The following ARID1B variants were observed in gnomAD, a reference collection of about 807,000 sequenced individuals.
The protein encoded by ARID1B is AT-rich interaction domain 1B.
Under a neutral mutation model 212.3 loss-of-function variants are expected in ARID1B, and 30 were observed. That is an observed-to-expected ratio of 0.14 (90% CI 0.11 to 0.19). The LOEUF (loss-of-function observed/expected upper bound fraction) is 0.19, where lower values mean the gene tolerates loss of function less well. ARID1B is among the 10% of genes least tolerant of loss of function. ARID1B has a pLI of 1.00. For synonymous variants in ARID1B, 1,402 were observed against 1,301.7 expected (o/e 1.08, Z -1.66); for missense variants, 2,891 against 3,204.0 (o/e 0.90, Z 2.36).
At chr6:156,868,309 G>C (rs1353158976) in intron 2 of ARID1B, among the ~76,000 whole-genome samples, 2 of 152,182 alleles carry the variant, frequency 1.3e-5, no homozygotes, top group African/African-American at 4.8e-5. Flanking sequence ...CTATTGTATT[G>C]TTATCACATG....
rs1778849865 is a variant in ARID1B at position 156,778,442 on chromosome 6, C to T, written c.762C>T (p.Ala254=). ...AGGACAGTGCTGCGGGCGGCCAGGC[C>T]GACCCCCCGGGCCCGCCGCTGCTGA... ...GAKDSAAGGQ[A]DPPGPPLLSK... The change falls in exon 1 of 20, where the codon GCC becomes GCT. Residue 254 remains alanine, a synonymous_variant. Coordinates refer to ENST00000636930, the MANE Select transcript of ARID1B (RefSeq NM_001374828.1). 6 of 1,439,480 alleles carry T rather than the reference C, an allele frequency of 4.2e-6. No homozygotes were observed. The highest frequency in any genetic ancestry group is 5.4e-6 in the Non-Finnish European group (6 of 1,102,306). 89.2% of individuals were successfully genotyped at this position (1,439,480 alleles called of 1,614,324 possible). A position where few individuals can be genotyped will look rare whatever the true frequency, so the allele number is the denominator to read the frequency against.
Position 157,207,645 on chromosome 6 carries a change from G to C in ARID1B, c.6873G>C (p.Thr2291=), listed in dbSNP as rs377350616. 1.3e-5 allele frequency: 21 copies of C among 1,614,108 alleles called. No homozygotes were observed. The East Asian group carries it at 4.7e-4, about 36-fold the overall frequency. ...TAAGCTTCCTAGAGGATGGGGTCAC[G>C]ATGGCCCAGTACCAGCAGAGCCAGC... ...NLISFLEDGV[T]MAQYQQSQHN... The change falls in exon 20 of 20, where the codon ACG becomes ACC. Residue 2291 remains threonine, a synonymous_variant. Transcript: ENST00000636930. This position sits in a 1 kb window ranked among gnomAD's most constrained non-coding sequence, Gnocchi z 8.5.
chr6:156,844,032 T>C (rs1342516211), intron 2 of ARID1B, among the ~76,000 whole-genome samples: 3 of 152,034 alleles, frequency 2.0e-5, no homozygotes, highest in Non-Finnish European at 4.4e-5. Flanking sequence ...GTAGGTAGAG[T>C]GTGCTTTTCA....
chr6:157,127,381 G>C (rs1384642847), intron 6 of ARID1B, among the ~76,000 whole-genome samples: 3 of 152,176 alleles, frequency 2.0e-5, no homozygotes, highest in Non-Finnish European at 4.4e-5. Context: ...AACTGGCCGG[G>C]CATGGTGCCT....
intron 4 of ARID1B, among the ~76,000 whole-genome samples, chr6:157,003,979 A>T (rs1238310263): frequency 6.6e-6 from 1 of 152,152 alleles, no homozygotes; most frequent in Admixed American, 6.5e-5. Flanking sequence ...TACAAAAAGG[A>T]CAAAAATTAG....
At chr6:156,909,577 A>T (rs187374645) in intron 3 of ARID1B, among the ~76,000 whole-genome samples, 2 of 152,284 alleles carry the variant, frequency 1.3e-5, no homozygotes, top group East Asian at 3.9e-4. Flanking sequence ...TTTAAACAAG[A>T]TTTATTACAT....
At chr6:156,858,792 C>G (rs1427694536) in intron 2 of ARID1B, among the ~76,000 whole-genome samples, 1 of 152,044 alleles carries the variant, frequency 6.6e-6, no homozygotes, top group Non-Finnish European at 1.5e-5. Context: ...AAACAAAAAA[C>G]AAACCACACA....
intron 2 of ARID1B, among the ~76,000 whole-genome samples, chr6:156,856,529 G>T (rs752171243): frequency 6.6e-6 from 1 of 152,140 alleles, no homozygotes; most frequent in African/African-American, 2.4e-5. Flanking sequence ...GTTGCATCCA[G>T]ACTCTGACCT....
intron 6 of ARID1B, among the ~76,000 whole-genome samples, chr6:157,129,992 A>G (rs1404346657): frequency 6.6e-6 from 1 of 152,100 alleles, no homozygotes. Flanking sequence ...AACATGGTGA[A>G]ACCCCGTCTC....
intron 5 of ARID1B, among the ~76,000 whole-genome samples, chr6:157,095,087 G>A (rs576189138): frequency 3.3e-5 from 5 of 152,314 alleles, no homozygotes; most frequent in Admixed American, 6.5e-5. Flanking sequence ...GGTTCAGGAT[G>A]AGGTCCCCTG....
At chr6:157,180,660 C>CA (rs1255631531) in intron 11 of ARID1B, among the ~76,000 whole-genome samples, 5 of 152,144 alleles carry the variant, frequency 3.3e-5, no homozygotes, top group Non-Finnish European at 2.9e-5. Flanking sequence ...CATGAGGTGT[C>CA]ACTGGAATTT....
intron 2 of ARID1B, among the ~76,000 whole-genome samples, chr6:156,895,744 A>G (rs1032989112): frequency 1.3e-5 from 2 of 152,200 alleles, no homozygotes; most frequent in African/African-American, 4.8e-5. Flanking sequence ...ATACACACAC[A>G]CACACACACA....
intron 4 of ARID1B, among the ~76,000 whole-genome samples, chr6:157,002,291 A>G (rs1050027429): frequency 1.3e-5 from 2 of 152,184 alleles, no homozygotes; most frequent in African/African-American, 4.8e-5. Context: ...TATACCTCCA[A>G]TTTTGAAAAG....
intron 4 of ARID1B, chr6:156,937,420 C>T (rs1002169499): frequency 6.6e-6 from 1 of 152,110 alleles, no homozygotes; most frequent in Non-Finnish European, 1.5e-5. Context: ...TGATTTTGTA[C>T]TGTGACACAG....
chr6:156,843,052 G>C (rs139034173), intron 2 of ARID1B, among the ~76,000 whole-genome samples: 1 of 152,330 alleles, frequency 6.6e-6, no homozygotes, highest in Non-Finnish European at 1.5e-5. Flanking sequence ...TGGAGTTCTA[G>C]AGTAGGGTAG....
chr6:157,186,480 C>A (rs996180434), intron 13 of ARID1B: 2 of 471,062 alleles, frequency 4.2e-6, no homozygotes, highest in Admixed American at 2.3e-5. Flanking sequence ...GGGTCGCAGG[C>A]AGAGGCACCC....
At chr6:156,989,239 C>T (rs1375513524) in intron 4 of ARID1B, among the ~76,000 whole-genome samples, 1 of 152,210 alleles carries the variant, frequency 6.6e-6, no homozygotes, top group African/African-American at 2.4e-5. Flanking sequence ...TGTCTCTACT[C>T]CCACGTCTTC....
Position 157,174,131 on chromosome 6 carries a change from C to T in ARID1B, c.3345+14C>T. On this transcript the variant is annotated intron_variant, in intron 10 of 19. Transcript: ENST00000636930. ...AGCAAGTCAAAGGTACTTCCTTCGC[C>T]TCTGCACGCGGTGTGAGGTCTGCCT... The T allele has an allele frequency of 6.2e-7, 1 of 1,609,730 alleles. No individual in the cohort carries two copies. The highest frequency in any genetic ancestry group is 1.1e-5 in the South Asian group (1 of 90,982).
intron 5 of ARID1B, among the ~76,000 whole-genome samples, chr6:157,091,940 A>G (rs1785308114): frequency 6.6e-6 from 1 of 152,212 alleles, no homozygotes; most frequent in South Asian, 2.1e-4. Context: ...TTATTTTTAA[A>G]TATCTATCGA....
Sources: allele counts gnomAD v4.1 joint callset (sites outside exome capture counted in the v4.1 genomes callset), GRCh38; gene constraint gnomAD v4.1.1; non-coding constraint Gnocchi (gnomAD v3.1); transcripts MANE v1.5; gene names NCBI Gene and HGNC (gene_info 2026-07-23, HGNC 2026-07-21).